The following C11orf58 variants were observed in gnomAD, a reference collection of about 807,000 sequenced individuals.
C11orf58 encodes chromosome 11 open reading frame 58, also known as small acidic protein.
In C11orf58, 5 loss-of-function variants were observed where a neutral mutation model predicts 22.7. The ratio of observed to expected loss-of-function variants is 0.22; its 90% CI spans 0.12 to 0.46. C11orf58 has a LOEUF of 0.46. Ranked by LOEUF, C11orf58 falls within the 20% of genes least tolerant of loss-of-function variation. The probability of loss-of-function intolerance (pLI) is 0.99; values close to 1 mark genes in which losing one functional copy is unlikely to be tolerated. For synonymous variants in C11orf58, 71 were observed against 70.7 expected, an observed-to-expected ratio of 1.00 and a Z score of -0.02; for missense variants, 151 against 223.3, an observed-to-expected ratio of 0.68 and a Z score of 2.06.
chr11:16,739,288 G>T (rs988941635), intron 1 of C11orf58, among the ~76,000 whole-genome samples: 1 of 152,180 alleles, frequency 6.6e-6, no homozygotes, highest in Admixed American at 6.5e-5. Context: ...TTTTTACAAT[G>T]TGCTGTTGAG....
At chr11:16,745,598 A>T (rs1296168697) in intron 2 of C11orf58, among the ~76,000 whole-genome samples, 1 of 152,188 alleles carries the variant, frequency 6.6e-6, no homozygotes, top group African/African-American at 2.4e-5. Context: ...GTGGGCTGAA[A>T]AGGAGGGATT....
At position 16,758,134 on chromosome 11, in the gene C11orf58, G is replaced by GTGTT. The variant is rs1411574898; in HGVS notation, c.*3031_*3034dup. Among the ~76,000 whole-genome samples the GTGTT allele has an allele frequency of 6.6e-6, 1 of 152,190 alleles. No homozygotes were observed. Among genetic ancestry groups the GTGTT allele is most frequent in the African/African-American group, 2.4e-5 (1 of 41,444 alleles). ...ACTCCTCCTCCTTTATACCTGCTCT[G>GTGTT]TGTTAGGGCGTAGTCTGTTTCCACC... On this transcript the variant is annotated 3_prime_UTR_variant, in exon 5 of 5. Coordinates refer to ENST00000228136, the MANE Select transcript of C11orf58 (RefSeq NM_014267.6).
chr11:16,747,893 TATAA>T (rs1848500337), intron 2 of C11orf58, 200 bp from the exon 3 acceptor site: 4 of 497,972 alleles, frequency 8.0e-6, no homozygotes, highest in Non-Finnish European at 1.5e-5. Context: ...TCTAACATAG[TATAA>T]ATAGTGATTA....
chr11:16,755,303 A>G lies in C11orf58; in HGVS notation c.*199A>G, dbSNP rs1848567991. ...TATAACCATTTTTGTAAAGAGTAAG[A>G]GTTGTATAAAATAAGAAATAAATAC... On this transcript the variant is annotated 3_prime_UTR_variant, in exon 5 of 5. Coordinates refer to ENST00000228136, the MANE Select transcript of C11orf58 (RefSeq NM_014267.6). The G allele has an allele frequency of 7.8e-6, 4 of 510,034 alleles. No homozygotes were observed. Among genetic ancestry groups the G allele is most frequent in the African/African-American group, 1.9e-5 (1 of 51,812 alleles). The allele number at this position is 510,034 out of a possible 1,614,324, so 31.6% of individuals were successfully genotyped here. A position where few individuals can be genotyped will look rare whatever the true frequency, so the allele number is the denominator to read the frequency against.
rs1162923955 is a variant in C11orf58, at chr11:16,757,631, ATAGAT to A, written c.*2530_*2534del. On this transcript the variant is annotated 3_prime_UTR_variant, in exon 5 of 5. Coordinates refer to ENST00000228136, the MANE Select transcript of C11orf58 (RefSeq NM_014267.6). ...TCCATACTAAAAAAGTATCAGGAAA[ATAGAT>A]TATTTTTGTGCTGTGAAACACTATT... Among the ~76,000 whole-genome samples, 2 of 152,226 alleles carry A rather than the reference ATAGAT, an allele frequency of 1.3e-5. No individual in the cohort carries two copies. Among genetic ancestry groups the A allele is most frequent in the African/African-American group, 4.8e-5 (2 of 41,464 alleles).
intron 3 of C11orf58, among the ~76,000 whole-genome samples, chr11:16,748,811 T>A (rs1433493615): frequency 6.6e-6 from 1 of 152,106 alleles, no homozygotes; most frequent in Admixed American, 6.6e-5. Context: ...AATTATCATG[T>A]ACTTTGATTT....
In C11orf58 at chr11:16,738,883, A is replaced by G. The variant is rs534144995; in HGVS notation, c.63+42A>G. ...GAGTGGCTGAGGGTTGAGGCCTACT[A>G]AAGCCTGGAGTAGGCCGGGAAGGGT... On this transcript the variant is annotated intron_variant, in intron 1 of 4. Coordinates refer to ENST00000228136, the MANE Select transcript of C11orf58 (RefSeq NM_014267.6). The G allele has an allele frequency of 1.2e-5, 19 of 1,607,002 alleles. No individual in the cohort carries two copies. In the African/African-American group the frequency reaches 1.2e-4, roughly 10 times the overall value.
intron 1 of C11orf58, among the ~76,000 whole-genome samples, chr11:16,742,559 G>C (rs1590072508): frequency 6.6e-6 from 1 of 152,070 alleles, no homozygotes; most frequent in African/African-American, 2.4e-5. Context: ...TGGAACTTAG[G>C]GAACCAAAAT....
At chr11:16,753,993 C>T (rs1174430833) in intron 4 of C11orf58, 2 of 465,184 alleles carry the variant, frequency 4.3e-6, no homozygotes, top group East Asian at 3.4e-5. Context: ...CATGTCCGGC[C>T]AGGGCACATT....
At chr11:16,746,799 C>G (rs988429553) in intron 2 of C11orf58, 1 of 152,114 alleles carries the variant, frequency 6.6e-6, no homozygotes, top group Non-Finnish European at 1.5e-5. Context: ...ATTACAGGCA[C>G]CTGCCACCAT....
At position 16,755,986 on chromosome 11, in the gene C11orf58, A is replaced by G. The variant is rs1199862603; in HGVS notation, c.*882A>G. 3.9e-5 allele frequency: 6 copies of G among 152,596 alleles called. No homozygotes were observed. The highest frequency in any genetic ancestry group is 7.4e-5 in the Non-Finnish European group (5 of 68,012). The allele number at this position is 152,596 out of a possible 1,614,324, so 9.5% of individuals were successfully genotyped here. A position where few individuals can be genotyped will look rare whatever the true frequency, so the allele number is the denominator to read the frequency against. On this transcript the variant is annotated 3_prime_UTR_variant, in exon 5 of 5. Coordinates refer to ENST00000228136, the MANE Select transcript of C11orf58 (RefSeq NM_014267.6). ...CAAGAAATTCTCTTCATTTTATCCC[A>G]GTGCTATTTTATTGATTAATTACTA...
chr11:16,741,174 T>G (rs978133718), intron 1 of C11orf58, among the ~76,000 whole-genome samples: 3 of 151,886 alleles, frequency 2.0e-5, no homozygotes, highest in Non-Finnish European at 4.4e-5. Context: ...ATGTGAGAGA[T>G]CATTGAAGTT....
At position 16,752,836 on chromosome 11, in the gene C11orf58, G is replaced by A; in HGVS notation, c.260G>A (p.Ser87Asn). 3.1e-6 allele frequency: 5 copies of A among 1,613,454 alleles called. No homozygotes were observed. Among genetic ancestry groups the A allele is most frequent in the Non-Finnish European group, 4.2e-6 (5 of 1,179,814 alleles). The change falls in exon 4 of 5, where the codon AGT becomes AAT. Residue 87 changes from serine (S) to asparagine (N), a missense_variant. Physicochemically the swap from Ser to Asn is conservative, Grantham distance 46. Transcript: ENST00000228136. ...NEELESQYQQ[S>N]MDSKLSGRYR... is the part of the protein sequence containing the mutation. ...GAACTGGAGTCTCAATATCAGCAAAGTATGGACAGTAAATTATCAGGAAGA... is the reference window on the plus strand; with the variant it reads ...GAACTGGAGTCTCAATATCAGCAAAATATGGACAGTAAATTATCAGGAAGA...
At chr11:16,752,943 G>A (rs1459069081) in intron 4 of C11orf58, 49 bp downstream of exon 4, 2 of 1,434,136 alleles carry the variant, frequency 1.4e-6, no homozygotes, top group Admixed American at 1.8e-5. Flanking sequence ...TTTCAATTTG[G>A]TACCATTTAT....
chr11:16,753,956 A>C (rs971612788), intron 4 of C11orf58: 2 of 554,974 alleles, frequency 3.6e-6, no homozygotes, highest in Non-Finnish European at 6.6e-6. Context: ...CGCCTTCCAA[A>C]GTGCTGGAAC....
At chr11:16,747,861 G>A (rs936433552) in intron 2 of C11orf58, 21 of 318,418 alleles carry the variant, frequency 6.6e-5, no homozygotes, top group African/African-American at 4.2e-4. Context: ...GGTCTGTTTT[G>A]TTTTAATCAC....
intron 3 of C11orf58, chr11:16,750,090 C>T (rs1333770105): frequency 2.0e-5 from 3 of 152,198 alleles, no homozygotes; most frequent in Non-Finnish European, 4.4e-5. Flanking sequence ...AATGATGAGA[C>T]AGCAGAAGAC....
In C11orf58 at chr11:16,752,760, TAACTA is replaced by T. The variant is rs781491853; in HGVS notation, c.209-22_209-18del. ...GTAAATTATTAATTTGACTGAAACA[TAACTA>T]AAGTATCCTGGACATGCAGGGGAAG... On this transcript the variant is annotated intron_variant, in intron 3 of 4. Transcript: ENST00000228136. 2.3e-5 allele frequency: 35 copies of T among 1,507,266 alleles called. No individual in the cohort carries two copies. In the African/African-American group the frequency reaches 4.2e-4, roughly 18 times the overall value. 93.4% of individuals were successfully genotyped at this position (1,507,266 alleles called of 1,614,324 possible). A position where few individuals can be genotyped will look rare whatever the true frequency, so the allele number is the denominator to read the frequency against.
At position 16,738,770 on chromosome 11, in the gene C11orf58, C is replaced by A; in HGVS notation, c.-9C>A. The A allele has an allele frequency of 6.2e-7, 1 of 1,613,598 alleles. No individual in the cohort carries two copies. The highest frequency in any genetic ancestry group is 8.5e-7 in the Non-Finnish European group (1 of 1,179,882). The stretch of plus-strand genomic sequence containing the variant: ...GGGTTCGGCATTTTTCGTCGGGATC[C>A]CCGCAAGGATGAGTGCTGCCAGAGA... On this transcript the variant is annotated 5_prime_UTR_variant, in exon 1 of 5. Transcript: ENST00000228136.
Sources: allele counts gnomAD v4.1 joint callset (sites outside exome capture counted in the v4.1 genomes callset), GRCh38; gene constraint gnomAD v4.1.1; transcripts MANE v1.5; gene names NCBI Gene and HGNC (gene_info 2026-07-23, HGNC 2026-07-21).